The following KIAA1549L variants were observed in gnomAD, a reference collection of about 807,000 sequenced individuals.
KIAA1549L encodes the protein KIAA1549 like.
A neutral mutation model predicts 160.7 loss-of-function variants in KIAA1549L; 88 were observed. The ratio of observed to expected loss-of-function variants is 0.55; its 90% confidence interval spans 0.46 to 0.65. KIAA1549L has a LOEUF of 0.65. KIAA1549L is among the 30% of genes least tolerant of loss of function. The pLI is 0.00. For synonymous variants in KIAA1549L, 950 were observed against 976.7 expected (o/e 0.97, Z 0.51); for missense variants, 2,258 against 2,437.5 (o/e 0.93, Z 1.55).
In KIAA1549L at chr11:33,672,820, T is replaced by C. The variant is rs1333341695; in HGVS notation, c.*4666T>C. On this transcript the variant is annotated 3_prime_UTR_variant, in exon 21 of 21. Transcript: ENST00000658780. Reference sequence around the variant, plus strand: ...ACAAGGCCCAGTTAGCACAATGTCTTGCTCAGCAGACAATAAATACTTGTA... The same window carrying C: ...ACAAGGCCCAGTTAGCACAATGTCTCGCTCAGCAGACAATAAATACTTGTA... 1 of 153,806 alleles carries C rather than the reference T, an allele frequency of 6.5e-6. No homozygotes were observed. The highest frequency in any genetic ancestry group is 1.5e-5 in the Non-Finnish European group (1 of 68,050). 9.5% of individuals were successfully genotyped at this position (153,806 alleles called of 1,614,324 possible).
Position 33,376,189 on chromosome 11 carries a change from C to CAGCGAGG in KIAA1549L, c.-445_-439dup, listed in dbSNP as rs1002349719. On this transcript the variant is annotated 5_prime_UTR_variant, in exon 1 of 21. Coordinates refer to ENST00000658780, the MANE Select transcript of KIAA1549L (RefSeq NM_012194.3). This position sits in a 1 kb window ranked among gnomAD's most constrained non-coding sequence, Gnocchi z 5.8. Reference sequence around the variant, plus strand: ...GGAGCCGGGGCTGGAACCCGAAGCCCAGCGAGGAGCGAGGAGCGAGGAGCC... The same window carrying CAGCGAGG: ...GGAGCCGGGGCTGGAACCCGAAGCCCAGCGAGGAGCGAGGAGCGAGGAGCGAGGAGCC... Among the ~76,000 whole-genome samples the CAGCGAGG allele has an allele frequency of 6.0e-5, 9 of 149,720 alleles. No individual in the cohort carries two copies. The highest frequency in any genetic ancestry group is 2.0e-4 in the East Asian group (1 of 5,090).
At chr11:33,492,162 T>A (rs1852681770) in intron 1 of KIAA1549L, among the ~76,000 whole-genome samples, 1 of 151,624 alleles carries the variant, frequency 6.6e-6, no homozygotes, top group African/African-American at 2.4e-5. Context: ...AGGTCAGGAG[T>A]TCGAGACAAG....
intron 13 of KIAA1549L, among the ~76,000 whole-genome samples, chr11:33,601,893 A>T (rs113819869): frequency 1.3e-5 from 2 of 152,240 alleles, no homozygotes; most frequent in African/African-American, 4.8e-5. Flanking sequence ...CTGTTTCATA[A>T]TGATGCTTAC....
chr11:33,409,051 A>G (rs1490698877), intron 1 of KIAA1549L, among the ~76,000 whole-genome samples: 5 of 152,072 alleles, frequency 3.3e-5, no homozygotes, highest in African/African-American at 1.2e-4. Context: ...GAACAACACA[A>G]TAGTCAGAGG....
At chr11:33,427,128 C>T (rs1851132991) in intron 1 of KIAA1549L, among the ~76,000 whole-genome samples, 1 of 152,144 alleles carries the variant, frequency 6.6e-6, no homozygotes, top group Non-Finnish European at 1.5e-5. Context: ...CTCAAGTGGG[C>T]CTTTGGTGCT....
At chr11:33,505,655 G>A (rs2133095651) in intron 1 of KIAA1549L, among the ~76,000 whole-genome samples, 1 of 152,290 alleles carries the variant, frequency 6.6e-6, no homozygotes, top group South Asian at 2.1e-4. Flanking sequence ...TCTGAGCAAA[G>A]CAATGGGACA....
In KIAA1549L at chr11:33,439,407, CTGTTTTTGTTTT is replaced by C. The variant is rs200656010; in HGVS notation, c.238+62521_238+62532del. Among the ~76,000 whole-genome samples the C allele has an allele frequency of 5.2e-4, 78 of 149,428 alleles. No homozygotes were observed. The East Asian group carries it at 9.6e-3, about 18-fold the overall frequency. The stretch of plus-strand genomic sequence containing the variant: ...ATTTATCAATTCTTTTTTTTTGTTT[CTGTTTTTGTTTT>C]TGAGACTGAGTCTCGCTCTGTCGCC... On this transcript the variant is annotated intron_variant, in intron 1 of 20. Coordinates refer to ENST00000658780, the MANE Select transcript of KIAA1549L (RefSeq NM_012194.3).
At chr11:33,480,054 G>T (rs969999510) in intron 1 of KIAA1549L, among the ~76,000 whole-genome samples, 27 of 152,136 alleles carry the variant, frequency 1.8e-4, no homozygotes, top group African/African-American at 6.5e-4. Context: ...TTGTGTGTGT[G>T]TGTGTGTGTG....
At chr11:33,566,820 C>T (rs1018751137) in intron 8 of KIAA1549L, among the ~76,000 whole-genome samples, 1 of 152,164 alleles carries the variant, frequency 6.6e-6, no homozygotes, top group Non-Finnish European at 1.5e-5. Context: ...TGGATGATAT[C>T]GATGATCCTT....
chr11:33,646,445 A>G (rs1410171370), intron 17 of KIAA1549L, among the ~76,000 whole-genome samples: 1 of 152,238 alleles, frequency 6.6e-6, no homozygotes, highest in Non-Finnish European at 1.5e-5. Context: ...GCTTTGAGCC[A>G]GATGGCTCGA....
chr11:33,545,742 C>G (rs1854234281), intron 3 of KIAA1549L, among the ~76,000 whole-genome samples: 1 of 152,178 alleles, frequency 6.6e-6, no homozygotes, highest in Non-Finnish European at 1.5e-5. Context: ...AGGATCAGTC[C>G]TGATATCAGA....
At chr11:33,420,270 G>A (rs1590232284) in intron 1 of KIAA1549L, among the ~76,000 whole-genome samples, 1 of 103,466 alleles carries the variant, frequency 9.7e-6, no homozygotes, top group African/African-American at 3.5e-5. Context: ...ATCTTACTCT[G>A]TTGCCCAGGC....
chr11:33,423,027 T>A (rs2134107227), intron 1 of KIAA1549L, among the ~76,000 whole-genome samples: 1 of 152,338 alleles, frequency 6.6e-6, no homozygotes, highest in South Asian at 2.1e-4. Context: ...ATGCGATTGA[T>A]TTATCTGTGT....
chr11:33,401,438 G>T (rs1427011614), intron 1 of KIAA1549L, among the ~76,000 whole-genome samples: 1 of 151,130 alleles, frequency 6.6e-6, no homozygotes, highest in Non-Finnish European at 1.5e-5. Flanking sequence ...TCCATACACG[G>T]CTCTTCTGAA....
chr11:33,648,549 G>T (rs1851791014), intron 17 of KIAA1549L, among the ~76,000 whole-genome samples: 1 of 31,506 alleles, frequency 3.2e-5, no homozygotes, highest in Non-Finnish European at 7.5e-5. Context: ...TTTGAGCTCT[G>T]CCAGAAGATA....
At chr11:33,389,324 G>A (rs1196123559) in intron 1 of KIAA1549L, among the ~76,000 whole-genome samples, 2 of 152,228 alleles carry the variant, frequency 1.3e-5, no homozygotes, top group Non-Finnish European at 2.9e-5. Flanking sequence ...AATGGGAAGT[G>A]TGAGAAGAAA....
In KIAA1549L at chr11:33,645,861, C is replaced by T. The variant is rs1419249718; in HGVS notation, c.5585C>T (p.Ala1862Val). ...CTGCTGGAGGAGGCCTTCAGCCTGG[C>T]ATCCGCGGGCCACGCAGGCCAGAGC... ...HMLLEEAFSL[A>V]SAGHAGQSRH... Residue 1862 changes from alanine (A) to valine (V), a missense_variant, in exon 17 of 21, where the codon GCA becomes GTA. This residue lies in a region of KIAA1549L where 1,359 missense variants were observed against 1,546.6 expected (regional missense o/e 0.88). Transcript: ENST00000658780. 1 of 1,613,910 alleles carries T rather than the reference C, an allele frequency of 6.2e-7. No individual in the cohort carries two copies. The highest frequency in any genetic ancestry group is 1.7e-5 in the Admixed American group (1 of 60,024).
At chr11:33,413,271 T>C (rs79475815) in intron 1 of KIAA1549L, among the ~76,000 whole-genome samples, 2 of 151,094 alleles carry the variant, frequency 1.3e-5, no homozygotes, top group Non-Finnish European at 3.0e-5. Context: ...TTTTTTTTTT[T>C]AAATCAAGAA....
intron 13 of KIAA1549L, among the ~76,000 whole-genome samples, chr11:33,601,457 A>G (rs1412545115): frequency 6.6e-6 from 1 of 152,212 alleles, no homozygotes; most frequent in African/African-American, 2.4e-5. Flanking sequence ...ATTGCATTGG[A>G]AGATGAACCA....
Sources: gnomAD v4.1 joint callset for allele counts (sites outside exome capture counted in the v4.1 genomes callset) on GRCh38, gnomAD v4.1.1 for gene constraint, gnomAD v4.1.1 regional missense constraint, Gnocchi (gnomAD v3.1) non-coding constraint, MANE v1.5 for transcripts, NCBI Gene and HGNC (gene_info 2026-07-23, HGNC 2026-07-21) for gene names.